The following PRKAG2 variants were observed in gnomAD, a reference collection of about 807,000 sequenced individuals.
PRKAG2 encodes protein kinase AMP-activated non-catalytic subunit gamma 2.
A neutral mutation model predicts 69.6 loss-of-function variants in PRKAG2; 26 were observed. That is an observed-to-expected ratio of 0.37 (90% CI 0.27 to 0.52). The LOEUF (loss-of-function observed/expected upper bound fraction) is 0.52. Among genes scored for constraint, PRKAG2 ranks in the 20% least tolerant of loss-of-function variants. PRKAG2 has a pLI of 0.90. For missense variants in PRKAG2, 557 were observed against 740.0 expected (o/e 0.75, Z 2.87); for synonymous variants, 293 against 285.0 (o/e 1.03, Z -0.28).
At chr7:151,559,861 G>C in intron 15 of PRKAG2, 2 of 985,108 alleles carry the variant, frequency 2.0e-6, no homozygotes, top group Non-Finnish European at 2.4e-6. Context: ...AGGAGGGAAG[G>C]GAGGGCTGGC....
At chr7:151,711,039 A>G (rs777577037) in intron 3 of PRKAG2, among the ~76,000 whole-genome samples, 24 of 152,162 alleles carry the variant, frequency 1.6e-4, no homozygotes, top group Non-Finnish European at 2.6e-4. Context: ...TAAGAGTGCT[A>G]GGCTTAGAGT....
intron 3 of PRKAG2, among the ~76,000 whole-genome samples, chr7:151,779,939 G>C (rs1304703312): frequency 1.3e-5 from 2 of 152,198 alleles, no homozygotes; most frequent in Admixed American, 1.3e-4. Context: ...GGCACCTTAA[G>C]GCTAAAGTGC....
intron 3 of PRKAG2, among the ~76,000 whole-genome samples, chr7:151,716,831 C>T (rs192581085): frequency 4.6e-5 from 7 of 152,318 alleles, no homozygotes; most frequent in East Asian, 3.9e-4. Flanking sequence ...CCCAAGCCCG[C>T]GTGGAGCAGA....
chr7:151,786,463 G>A lies in PRKAG2; in HGVS notation c.186+7C>T, dbSNP rs886062102. On this transcript the variant is annotated splice_region_variant and intron_variant, in intron 2 of 15. Transcript: ENST00000287878. ...GCTGTGAGAAACTTCTGGAAAGGAG[G>A]TCTTACCTTTCGAGAGGAATGCTTT... 5 of 1,608,292 alleles carry A rather than the reference G, an allele frequency of 3.1e-6. No individual in the cohort carries two copies. The Admixed American group carries it at 6.7e-5, about 22-fold the overall frequency.
At chr7:151,613,107 G>A (rs1338377316) in intron 5 of PRKAG2, among the ~76,000 whole-genome samples, 2 of 152,196 alleles carry the variant, frequency 1.3e-5, no homozygotes, top group Non-Finnish European at 2.9e-5. Context: ...GCAAACAGGA[G>A]CTACCTGCGG....
intron 1 of PRKAG2, among the ~76,000 whole-genome samples, chr7:151,863,653 C>T (rs143560817): frequency 2.2e-4 from 34 of 152,332 alleles, no homozygotes; most frequent in African/African-American, 6.0e-4. Context: ...CGGTGGCTCA[C>T]GCCTGCAATC....
At chr7:151,847,205 C>G (rs537178278) in intron 1 of PRKAG2, among the ~76,000 whole-genome samples, 5 of 152,292 alleles carry the variant, frequency 3.3e-5, no homozygotes, top group African/African-American at 1.2e-4. Flanking sequence ...TCTGGGTACA[C>G]AGCAGTGTCC....
chr7:151,607,912 G>A (rs1309040679), intron 5 of PRKAG2, among the ~76,000 whole-genome samples: 1 of 152,156 alleles, frequency 6.6e-6, no homozygotes, highest in Non-Finnish European at 1.5e-5. Context: ...ACATCAGAAT[G>A]AGACCTTATT....
At chr7:151,648,909 T>TATTTC (rs1554516990) in intron 4 of PRKAG2, among the ~76,000 whole-genome samples, 4 of 151,096 alleles carry the variant, frequency 2.6e-5, no homozygotes, top group African/African-American at 9.8e-5. Context: ...CCAGGATTTT[T>TATTTC]TTTTTTTCCT....
intron 5 of PRKAG2, among the ~76,000 whole-genome samples, chr7:151,606,282 AAGCTAG>A (rs1817539672): frequency 1.3e-5 from 2 of 152,244 alleles, no homozygotes; most frequent in Admixed American, 6.5e-5. Context: ...TAAGCTTTTT[AAGCTAG>A]GAAAATACAG....
intron 3 of PRKAG2, among the ~76,000 whole-genome samples, chr7:151,698,369 C>T (rs764927291): frequency 2.8e-4 from 43 of 152,238 alleles, no homozygotes; most frequent in Non-Finnish European, 3.7e-4. Flanking sequence ...CTGGGATCAT[C>T]GCTGGTATGG....
At chr7:151,773,017 GAA>G (rs1491434085) in intron 3 of PRKAG2, among the ~76,000 whole-genome samples, 2 of 15,322 alleles carry the variant, frequency 1.3e-4, no homozygotes, top group Admixed American at 7.9e-4. Context: ...AAGAAAGAAA[GAA>G]AGAAAGAGAG....
At chr7:151,741,107 G>A (rs2073852526) in intron 3 of PRKAG2, among the ~76,000 whole-genome samples, 1 of 152,128 alleles carries the variant, frequency 6.6e-6, no homozygotes, top group African/African-American at 2.4e-5. Context: ...CAGCACTTTG[G>A]GAGGCTGAGG....
At chr7:151,862,115 TGAA>T (rs2079944261) in intron 1 of PRKAG2, among the ~76,000 whole-genome samples, 1 of 152,056 alleles carries the variant, frequency 6.6e-6, no homozygotes, top group Admixed American at 6.6e-5. Flanking sequence ...CTGCATTGCA[TGAA>T]GGTCTAGGCG....
chr7:151,862,712 G>A (rs988384906), intron 1 of PRKAG2, among the ~76,000 whole-genome samples: 2 of 152,200 alleles, frequency 1.3e-5, no homozygotes, highest in Admixed American at 6.5e-5. Context: ...AAAGGGACGC[G>A]GTGCCGTGGA....
At chr7:151,559,380 A>C (rs1584905246) in intron 15 of PRKAG2, 1 of 985,312 alleles carries the variant, frequency 1.0e-6, no homozygotes, top group East Asian at 1.1e-4. Flanking sequence ...CTATTGTGAG[A>C]TTCAGGTCTT....
intron 5 of PRKAG2, among the ~76,000 whole-genome samples, chr7:151,622,757 A>G (rs1821839063): frequency 6.6e-6 from 1 of 152,336 alleles, no homozygotes; most frequent in Non-Finnish European, 1.5e-5. Context: ...TATGTGGCAT[A>G]CATACCTGTG....
intron 3 of PRKAG2, among the ~76,000 whole-genome samples, chr7:151,703,698 T>G (rs1039861120): frequency 6.6e-6 from 1 of 152,058 alleles, no homozygotes. Context: ...ATCATCATTC[T>G]TTTTCTATTT....
chr7:151,722,302 G>A (rs542312015), intron 3 of PRKAG2, among the ~76,000 whole-genome samples: 18 of 152,254 alleles, frequency 1.2e-4, no homozygotes, highest in East Asian at 3.9e-4. Context: ...TCAGGGGAGC[G>A]TTAGTTCGTT....
Sources: allele counts gnomAD v4.1 joint callset (sites outside exome capture counted in the v4.1 genomes callset), GRCh38; gene constraint gnomAD v4.1.1; transcripts MANE v1.5; gene names NCBI Gene and HGNC (gene_info 2026-07-23, HGNC 2026-07-21).